The following CBFB variants were observed in gnomAD, a reference collection of about 807,000 sequenced individuals.
CBFB encodes core-binding factor subunit beta.
A neutral mutation model predicts 30.4 loss-of-function variants in CBFB; 9 were observed. That is an observed-to-expected ratio of 0.30 (90% CI 0.18 to 0.52). The LOEUF (loss-of-function observed/expected upper bound fraction) is 0.52. Ranked by LOEUF, CBFB falls within the 20% of genes least tolerant of loss-of-function variation. The pLI is 0.97. For synonymous variants in CBFB, 94 were observed against 84.0 expected, an observed-to-expected ratio of 1.12 and a Z score of -0.65; for missense variants, 170 against 244.0, an observed-to-expected ratio of 0.70 and a Z score of 2.02.
Position 67,029,366 on chromosome 16 carries a change from A to G in CBFB, c.-42A>G. 7.0e-7 allele frequency: 1 copy of G among 1,422,316 alleles called. No homozygotes were observed. The highest frequency in any genetic ancestry group is 1.4e-5 in the South Asian group (1 of 73,388). The allele number at this position is 1,422,316 out of a possible 1,614,324, so 88.1% of individuals were successfully genotyped here. On this transcript the variant is annotated 5_prime_UTR_variant, in exon 1 of 6. Coordinates refer to ENST00000412916, the MANE Select transcript of CBFB (RefSeq NM_022845.3). ...GAGCCAGCCAGCGGGTGCCCGCGCA[A>G]GCCCCGAGCGCGGCCGGCCGGCGCG...
chr16:67,053,023 GAAA>G (rs1031096437), intron 3 of CBFB, among the ~76,000 whole-genome samples: 2 of 144,926 alleles, frequency 1.4e-5, no homozygotes, highest in African/African-American at 5.3e-5. Flanking sequence ...AAAAAAAAAA[GAAA>G]AAAAGAGAAA....
chr16:67,048,676 G>T (rs533215177), intron 3 of CBFB, among the ~76,000 whole-genome samples: 2 of 151,694 alleles, frequency 1.3e-5, no homozygotes, highest in South Asian at 4.2e-4. Flanking sequence ...TCAGCCTCCC[G>T]AGTAGCTGGG....
At chr16:67,091,290 A>G (rs1194843941) in intron 5 of CBFB, among the ~76,000 whole-genome samples, 2 of 152,218 alleles carry the variant, frequency 1.3e-5, no homozygotes, top group Non-Finnish European at 2.9e-5. Flanking sequence ...TATCTGCAGG[A>G]TATGGATTTT....
chr16:67,036,720 C>A lies in CBFB; in HGVS notation c.247C>A (p.Arg83=). 1 of 1,612,268 alleles carries A rather than the reference C, an allele frequency of 6.2e-7. No homozygotes were observed. The highest frequency in any genetic ancestry group is 1.1e-5 in the South Asian group (1 of 91,042). ...WQGEQRQTPS[R]EYVDLEREAG... ...GGGAGAACAGCGACAAACACCTAGCCGAGAGTATGTCGACTTAGAAAGAGA... is the reference window on the plus strand; with the variant it reads ...GGGAGAACAGCGACAAACACCTAGCAGAGAGTATGTCGACTTAGAAAGAGA... The change falls in exon 3 of 6, where the codon CGA becomes AGA. Residue 83 remains arginine, a synonymous_variant. Coordinates refer to ENST00000412916, the MANE Select transcript of CBFB (RefSeq NM_022845.3).
At chr16:67,033,725 C>T (rs1966394947) in intron 2 of CBFB, among the ~76,000 whole-genome samples, 1 of 151,162 alleles carries the variant, frequency 6.6e-6, no homozygotes, top group Admixed American at 6.6e-5. Flanking sequence ...CATTCTCCCG[C>T]TTCAGCCTCC....
intron 3 of CBFB, among the ~76,000 whole-genome samples, chr16:67,062,675 C>T (rs1960944878): frequency 6.6e-6 from 1 of 151,514 alleles, no homozygotes; most frequent in Non-Finnish European, 1.5e-5. Context: ...ACCAGTAATC[C>T]CAGCCACTCG....
At chr16:67,087,504 A>G (rs1278552152) in intron 5 of CBFB, among the ~76,000 whole-genome samples, 1 of 152,086 alleles carries the variant, frequency 6.6e-6, no homozygotes, top group East Asian at 1.9e-4. Flanking sequence ...GTAGTGAACT[A>G]TGATTGTGAC....
intron 3 of CBFB, among the ~76,000 whole-genome samples, chr16:67,064,203 TTTTG>T (rs1222339679): frequency 3.3e-5 from 5 of 152,084 alleles, no homozygotes; most frequent in African/African-American, 7.2e-5. Context: ...AAATTATGTG[TTTTG>T]TTTGTTTATT....
At chr16:67,046,413 C>T (rs1387309433) in intron 3 of CBFB, among the ~76,000 whole-genome samples, 3 of 152,004 alleles carry the variant, frequency 2.0e-5, no homozygotes, top group African/African-American at 7.3e-5. Flanking sequence ...ATGGTTAATT[C>T]AAATGCTGCC....
In CBFB at chr16:67,035,076, GT is replaced by G. The variant is rs551348398; in HGVS notation, c.166-1555del. ...GATTTATGCTCGTAGTACATGGGAA[GT>G]TTTTTTTGTTTTTTGTTTTTGTGAT... On this transcript the variant is annotated intron_variant, in intron 2 of 5. Transcript: ENST00000412916. 2.4e-4 allele frequency among the ~76,000 whole-genome samples: 36 copies of G among 151,528 alleles called. No individual in the cohort carries two copies. In the South Asian group the frequency reaches 4.0e-3, roughly 17 times the overall value.
At chr16:67,070,924 C>T (rs1196413565) in intron 4 of CBFB, among the ~76,000 whole-genome samples, 1 of 152,116 alleles carries the variant, frequency 6.6e-6, no homozygotes, top group Non-Finnish European at 1.5e-5. Flanking sequence ...ATTTTTTATA[C>T]TTGGAGTTTT....
chr16:67,075,748 C>A (rs1178107368), intron 4 of CBFB, among the ~76,000 whole-genome samples: 1 of 152,120 alleles, frequency 6.6e-6, no homozygotes, highest in African/African-American at 2.4e-5. Flanking sequence ...AGTGCGTGGT[C>A]ACACAAATAC....
intron 3 of CBFB, among the ~76,000 whole-genome samples, chr16:67,044,187 CT>C (rs1269628081): frequency 2.6e-5 from 4 of 152,088 alleles, no homozygotes; most frequent in African/African-American, 9.7e-5. Flanking sequence ...TCTCATAAAG[CT>C]TCATTGGGAT....
At chr16:67,045,373 C>T (rs1966606150) in intron 3 of CBFB, among the ~76,000 whole-genome samples, 1 of 151,932 alleles carries the variant, frequency 6.6e-6, no homozygotes, top group South Asian at 2.1e-4. Flanking sequence ...AAAAATTAGC[C>T]AGGTATGCTG....
At chr16:67,032,246 G>T (rs1276662991) in intron 2 of CBFB, among the ~76,000 whole-genome samples, 2 of 152,104 alleles carry the variant, frequency 1.3e-5, no homozygotes, top group African/African-American at 2.4e-5. Flanking sequence ...CCTCACCTGA[G>T]CCCGGGAGGT....
chr16:67,049,019 C>T lies in CBFB; in HGVS notation c.282+12264C>T, dbSNP rs553743788. On this transcript the variant is annotated intron_variant, in intron 3 of 5. Coordinates refer to ENST00000412916, the MANE Select transcript of CBFB (RefSeq NM_022845.3). Reference sequence around the variant, plus strand: ...TATTTTTAGTAGAGACAGGGTTTCTCCATGTTGGTCAGGCTAGTTTTGAAC... The same window carrying T: ...TATTTTTAGTAGAGACAGGGTTTCTTCATGTTGGTCAGGCTAGTTTTGAAC... Among the ~76,000 whole-genome samples the T allele has an allele frequency of 2.0e-5, 3 of 151,454 alleles. No individual in the cohort carries two copies. In the East Asian group the frequency reaches 5.8e-4, roughly 29 times the overall value.
intron 2 of CBFB, among the ~76,000 whole-genome samples, chr16:67,035,399 A>C (rs1966426484): frequency 6.6e-6 from 1 of 152,114 alleles, no homozygotes; most frequent in South Asian, 2.1e-4. Flanking sequence ...GATTTTTTAA[A>C]ATGATGTTGT....
chr16:67,066,393 C>CAAAAAAAAAAAAAA lies in CBFB; in HGVS notation c.283-285_283-272dup, dbSNP rs56360240. Reference sequence around the variant, plus strand: ...TGAAACCCCATCTCTACTAAAAATACAAAAAAAAAAAAAAAAATTAGCCAG... The same window carrying CAAAAAAAAAAAAAA: ...TGAAACCCCATCTCTACTAAAAATACAAAAAAAAAAAAAAAAAAAAAAAAAAAAAAATTAGCCAG... On this transcript the variant is annotated intron_variant, in intron 3 of 5. Transcript: ENST00000412916. Among the ~76,000 whole-genome samples, 95 of 96,018 alleles carry CAAAAAAAAAAAAAA rather than the reference C, an allele frequency of 9.9e-4. 6 individuals are homozygous for CAAAAAAAAAAAAAA. Among genetic ancestry groups the CAAAAAAAAAAAAAA allele is most frequent in the South Asian group, 1.8e-3 (5 of 2,708 alleles). The allele number at this position is 96,018 out of a possible 152,430, so 63.0% of individuals were successfully genotyped here. A position where few individuals can be genotyped will look rare whatever the true frequency, so the allele number is the denominator to read the frequency against.
chr16:67,036,842 G>A (rs1966447388), intron 3 of CBFB, 87 bp downstream of exon 3: 1 of 802,268 alleles, frequency 1.2e-6, no homozygotes, highest in Admixed American at 1.8e-5. Context: ...AAAGATCACA[G>A]ATCTGATTAT....
Sources: allele counts gnomAD v4.1 joint callset (sites outside exome capture counted in the v4.1 genomes callset), GRCh38; gene constraint gnomAD v4.1.1; transcripts MANE v1.5; gene names NCBI Gene and HGNC (gene_info 2026-07-23, HGNC 2026-07-21).